GLRB: variants seen among roughly 807,000 people sequenced by gnomAD.
GLRB encodes the protein glycine receptor beta.
Under a neutral mutation model 54.2 loss-of-function variants are expected in GLRB, and 33 were observed. The observed-to-expected ratio is 0.61, with a 90% CI of 0.46 to 0.81. GLRB has a LOEUF of 0.81. Among genes scored for constraint, GLRB ranks in the 40% least tolerant of loss-of-function variants. The pLI is 0.00. For missense variants in GLRB, 572 were observed against 584.6 expected, an observed-to-expected ratio of 0.98 and a Z score of 0.22; for synonymous variants, 209 against 208.2, an observed-to-expected ratio of 1.00 and a Z score of -0.03.
At chr4:157,102,034 T>A (rs2126483246) in intron 2 of GLRB, among the ~76,000 whole-genome samples, 1 of 152,290 alleles carries the variant, frequency 6.6e-6, no homozygotes, top group South Asian at 2.1e-4. Context: ...CAAATAATAA[T>A]AACCCAATTG....
At chr4:157,108,648 ATCT>A (rs1290269044) in intron 2 of GLRB, among the ~76,000 whole-genome samples, 5 of 152,126 alleles carry the variant, frequency 3.3e-5, no homozygotes, top group African/African-American at 1.2e-4. Flanking sequence ...CTCTACTCAG[ATCT>A]TCTGGTGAAT....
intron 2 of GLRB, among the ~76,000 whole-genome samples, chr4:157,114,649 G>A (rs1490536120): frequency 1.3e-5 from 2 of 151,600 alleles, no homozygotes; most frequent in East Asian, 3.9e-4. Flanking sequence ...TCTCTTGGCC[G>A]TGACAGTCAC....
intron 2 of GLRB, among the ~76,000 whole-genome samples, chr4:157,089,957 T>C (rs1235144307): frequency 6.6e-6 from 1 of 152,220 alleles, no homozygotes; most frequent in Non-Finnish European, 1.5e-5. Context: ...TTACTCATTC[T>C]GTTGATGGTT....
chr4:157,076,194 C>CA lies in GLRB; in HGVS notation c.-132dup, dbSNP rs1421635303. ...GGCGGTGGCGCGGGCGGCTGGGACG[C>CA]AGCTGCCCCCGCTCGGCGCCCGCTG... On this transcript the variant is annotated 5_prime_UTR_variant, in exon 1 of 10. Coordinates refer to ENST00000264428, the MANE Select transcript of GLRB (RefSeq NM_000824.5). The CA allele has an allele frequency of 6.7e-6, 1 of 150,212 alleles. No homozygotes were observed. The highest frequency in any genetic ancestry group is 2.4e-5 in the African/African-American group (1 of 41,194). 9.3% of individuals were successfully genotyped at this position (150,212 alleles called of 1,614,324 possible).
chr4:157,115,571 C>A (rs2126517688), intron 2 of GLRB, among the ~76,000 whole-genome samples: 1 of 151,900 alleles, frequency 6.6e-6, no homozygotes, highest in South Asian at 2.1e-4. Context: ...CCCACAGAGT[C>A]AGAATTGCTT....
At position 157,162,168 on chromosome 4, in the gene GLRB, G is replaced by T. The variant is rs183039138; in HGVS notation, c.1198-8264G>T. ...TGCATCACGTAGTTCTCGTGCCATGGTTTTCAGCTCCATCAGGTCATTTAA... is the reference window on the plus strand; with the variant it reads ...TGCATCACGTAGTTCTCGTGCCATGTTTTTCAGCTCCATCAGGTCATTTAA... On this transcript the variant is annotated intron_variant, in intron 9 of 9. Transcript: ENST00000264428. 1.9e-4 allele frequency among the ~76,000 whole-genome samples: 29 copies of T among 152,322 alleles called. No individual in the cohort carries two copies. The East Asian group carries it at 5.6e-3, about 29-fold the overall frequency.
rs1298289296 is a variant in GLRB at position 157,136,903 on chromosome 4, A to C, written c.610+17A>C. Reference sequence around the variant, plus strand: ...TGGAGAGCTGTACGTAAATGAGAACATAATTGATTATGAAAATAAAGTGTT... The same window carrying C: ...TGGAGAGCTGTACGTAAATGAGAACCTAATTGATTATGAAAATAAAGTGTT... On this transcript the variant is annotated intron_variant, in intron 6 of 9. Transcript: ENST00000264428. 5 of 1,426,144 alleles carry C rather than the reference A, an allele frequency of 3.5e-6. No homozygotes were observed. Among genetic ancestry groups the C allele is most frequent in the South Asian group, 1.1e-5 (1 of 87,272 alleles). The allele number at this position is 1,426,144 out of a possible 1,614,324, so 88.3% of individuals were successfully genotyped here.
intron 2 of GLRB, among the ~76,000 whole-genome samples, chr4:157,097,185 A>G (rs1168864574): frequency 2.0e-5 from 3 of 152,208 alleles, no homozygotes; most frequent in Admixed American, 2.0e-4. Flanking sequence ...ATATATTGAT[A>G]ATTTTCAACT....
chr4:157,159,775 G>A (rs770997848), intron 9 of GLRB, among the ~76,000 whole-genome samples: 2 of 152,158 alleles, frequency 1.3e-5, no homozygotes, highest in Non-Finnish European at 2.9e-5. Context: ...GTTCATCCGG[G>A]ATATTCATCT....
intron 7 of GLRB, among the ~76,000 whole-genome samples, chr4:157,142,322 T>G (rs1422571911): frequency 1.3e-5 from 2 of 152,116 alleles, no homozygotes; most frequent in African/African-American, 4.8e-5. Flanking sequence ...TAAATTCAAC[T>G]GTAAAAAAGA....
At chr4:157,149,039 A>G (rs184392118) in intron 8 of GLRB, among the ~76,000 whole-genome samples, 1 of 152,206 alleles carries the variant, frequency 6.6e-6, no homozygotes, top group African/African-American at 2.4e-5. Context: ...AAATTTCAGG[A>G]TATCCAGTTA....
At chr4:157,112,999 G>A (rs193046188) in intron 2 of GLRB, among the ~76,000 whole-genome samples, 335 of 151,994 alleles carry the variant, frequency 2.2e-3, no homozygotes, top group African/African-American at 7.7e-3. Context: ...AGCTCACAGA[G>A]GGTAAGTGCT....
At chr4:157,111,113 T>G (rs1407446247) in intron 2 of GLRB, among the ~76,000 whole-genome samples, 3 of 151,988 alleles carry the variant, frequency 2.0e-5, no homozygotes, top group Non-Finnish European at 4.4e-5. Flanking sequence ...TAGTGTATAC[T>G]GGGCCCTATC....
chr4:157,112,890 G>A (rs578148056), intron 2 of GLRB, among the ~76,000 whole-genome samples: 2 of 151,890 alleles, frequency 1.3e-5, no homozygotes, highest in Non-Finnish European at 2.9e-5. Context: ...TTGATGGTGG[G>A]GCACTGCAGC....
Position 157,145,391 on chromosome 4 carries a change from G to T in GLRB, c.904+1432G>T, listed in dbSNP as rs557501089. ...ACTCTGCTGAAATGTCAATAGGGAT[G>T]ATAAAAATACCCAAGAAGCTCCAGG... On this transcript the variant is annotated intron_variant, in intron 8 of 9. Coordinates refer to ENST00000264428, the MANE Select transcript of GLRB (RefSeq NM_000824.5). Among the ~76,000 whole-genome samples, 4 of 152,264 alleles carry T rather than the reference G, an allele frequency of 2.6e-5. No homozygotes were observed. In the South Asian group the frequency reaches 8.3e-4, roughly 32 times the overall value.
In GLRB at chr4:157,141,234, A is replaced by G. The variant is rs190933355; in HGVS notation, c.751+2285A>G. Among the ~76,000 whole-genome samples, 43 of 152,092 alleles carry G rather than the reference A, an allele frequency of 2.8e-4. 1 individual carries two copies. The highest frequency in any genetic ancestry group is 1.7e-3 in the Admixed American group (26 of 15,258). Reference sequence around the variant, plus strand: ...ACAGAAAATAACAACAAAACAACTTATGCCTAACAATATTTTTTGGCACTT... The same window carrying G: ...ACAGAAAATAACAACAAAACAACTTGTGCCTAACAATATTTTTTGGCACTT... On this transcript the variant is annotated intron_variant, in intron 7 of 9. Transcript: ENST00000264428.
rs1735768326 is a variant in GLRB, at chr4:157,120,414, A to T, written c.123-142A>T. 1.6e-5 allele frequency: 4 copies of T among 249,438 alleles called. No homozygotes were observed. The East Asian group carries it at 3.9e-4, about 24-fold the overall frequency. The allele number at this position is 249,438 out of a possible 1,614,324, so 15.5% of individuals were successfully genotyped here. A position where few individuals can be genotyped will look rare whatever the true frequency, so the allele number is the denominator to read the frequency against. On this transcript the variant is annotated intron_variant, in intron 2 of 9. Coordinates refer to ENST00000264428, the MANE Select transcript of GLRB (RefSeq NM_000824.5). ...TAAAATAAAATAAAATAATAAAATA[A>T]AATAAATAAAAAAAAGAAGAAAAAG...
At chr4:157,144,746 A>G (rs1736745561) in intron 8 of GLRB, among the ~76,000 whole-genome samples, 1 of 152,176 alleles carries the variant, frequency 6.6e-6, no homozygotes, top group South Asian at 2.1e-4. Context: ...GTGAGTATGT[A>G]GTTGCTACAT....
At chr4:157,147,684 G>T (rs1235774235) in intron 8 of GLRB, among the ~76,000 whole-genome samples, 1 of 152,166 alleles carries the variant, frequency 6.6e-6, no homozygotes, top group Non-Finnish European at 1.5e-5. Context: ...CAGGAGCAGT[G>T]ACCTTGAGAA....
Sources: gnomAD v4.1 joint callset for allele counts (sites outside exome capture counted in the v4.1 genomes callset) on GRCh38, gnomAD v4.1.1 for gene constraint, MANE v1.5 for transcripts, NCBI Gene and HGNC (gene_info 2026-07-23, HGNC 2026-07-21) for gene names.